NRXN3: variants seen among roughly 807,000 people sequenced by gnomAD.
NRXN3 encodes the protein neurexin 3, also known as neurexin III.
In NRXN3, 32 loss-of-function variants were observed where a neutral mutation model predicts 137.6. That is an observed-to-expected ratio of 0.23 (90% CI 0.18 to 0.31). NRXN3 has a LOEUF of 0.31. NRXN3 is among the 10% of genes least tolerant of loss of function. NRXN3 has a pLI of 1.00. For missense variants in NRXN3, 1,574 were observed against 2,062.5 expected (o/e 0.76, Z 4.59); for synonymous variants, 798 against 784.5 (o/e 1.02, Z -0.29).
chr14:78,670,912 G>A (rs2097927770), intron 6 of NRXN3, among the ~76,000 whole-genome samples: 1 of 152,160 alleles, frequency 6.6e-6, no homozygotes, highest in Non-Finnish European at 1.5e-5. Context: ...TGAGTGGGAA[G>A]TACCTGTGTT....
chr14:78,349,810 A>G (rs549034410), intron 4 of NRXN3, among the ~76,000 whole-genome samples: 134 of 152,330 alleles, frequency 8.8e-4, no homozygotes, highest in Non-Finnish European at 1.5e-3. Flanking sequence ...TCAGGGTGCT[A>G]CTGTGTGCTC....
At chr14:79,222,384 C>T (rs2069922883) in intron 15 of NRXN3, among the ~76,000 whole-genome samples, 1 of 152,046 alleles carries the variant, frequency 6.6e-6, no homozygotes, top group African/African-American at 2.4e-5. Flanking sequence ...GAATAATGTT[C>T]CCTTGTCTGG....
chr14:78,369,531 G>T (rs2086495922), intron 4 of NRXN3, among the ~76,000 whole-genome samples: 1 of 152,098 alleles, frequency 6.6e-6, no homozygotes, highest in Non-Finnish European at 1.5e-5. Context: ...TATTCTGTGT[G>T]TTCCTTCAGT....
At chr14:78,434,861 G>A (rs1421697580) in intron 4 of NRXN3, among the ~76,000 whole-genome samples, 2 of 152,184 alleles carry the variant, frequency 1.3e-5, no homozygotes, top group African/African-American at 4.8e-5. Flanking sequence ...CCAAGAGGAG[G>A]CCAGGTGGTG....
intron 20 of NRXN3, among the ~76,000 whole-genome samples, chr14:79,816,382 G>T (rs1468976589): frequency 2.6e-5 from 4 of 152,136 alleles, no homozygotes; most frequent in African/African-American, 9.7e-5. Context: ...GGCTTTAACT[G>T]TCTTAGATAA....
intron 5 of NRXN3, among the ~76,000 whole-genome samples, chr14:78,647,987 G>T (rs1346202095): frequency 6.6e-6 from 1 of 152,130 alleles, no homozygotes; most frequent in African/African-American, 2.4e-5. Flanking sequence ...ATTGAGTAAA[G>T]TTTACCTGGG....
Position 78,709,501 on chromosome 14 carries a change from T to C in NRXN3, c.1506T>C (p.Asn502=). ...GGAAGGATGCTCGGAGCCAGAAGAA[T>C]ACAAAAGTAGACTTCTTTGCCGTGG... ...QERKDARSQK[N]TKVDFFAVEL... The change falls in exon 7 of 21, where the codon AAT becomes AAC. Residue 502 remains asparagine, a synonymous_variant. Coordinates refer to ENST00000335750, the MANE Select transcript of NRXN3 (RefSeq NM_001330195.2). 6.2e-7 allele frequency: 1 copy of C among 1,614,080 alleles called. No individual in the cohort carries two copies. The highest frequency in any genetic ancestry group is 1.1e-5 in the South Asian group (1 of 91,080).
intron 14 of NRXN3, among the ~76,000 whole-genome samples, chr14:78,985,627 T>C (rs1160626242): frequency 6.6e-6 from 1 of 152,198 alleles, no homozygotes; most frequent in Admixed American, 6.5e-5. Context: ...CAAAGAATTA[T>C]TGTGTTTTCC....
intron 1 of NRXN3, among the ~76,000 whole-genome samples, chr14:78,215,582 G>T (rs191055596): frequency 6.6e-6 from 1 of 152,262 alleles, no homozygotes; most frequent in East Asian, 1.9e-4. Flanking sequence ...CATAGAGAAG[G>T]CAACAAAGGT....
intron 8 of NRXN3, among the ~76,000 whole-genome samples, chr14:78,728,623 C>T (rs1198763153): frequency 1.3e-5 from 2 of 152,102 alleles, no homozygotes; most frequent in African/African-American, 4.8e-5. Context: ...TGGGGAGGTG[C>T]ACAGTGGCTC....
At position 78,686,165 on chromosome 14, in the gene NRXN3, C is replaced by T. The variant is rs376417161; in HGVS notation, c.1222-23052C>T. 1.6e-3 allele frequency among the ~76,000 whole-genome samples: 238 copies of T among 152,288 alleles called. 11 individuals are homozygous for T. In the South Asian group the frequency reaches 0.048, roughly 31 times the overall value. On this transcript the variant is annotated intron_variant, in intron 6 of 20. Coordinates refer to ENST00000335750, the MANE Select transcript of NRXN3 (RefSeq NM_001330195.2). The stretch of plus-strand genomic sequence containing the variant: ...ATCTACTTTGGAACAGTTCCTGGCA[C>T]TTAGTATTTTAATTCAATACATGTT...
chr14:79,289,235 A>G (rs2153456800), intron 15 of NRXN3, among the ~76,000 whole-genome samples: 1 of 152,234 alleles, frequency 6.6e-6, no homozygotes, highest in Non-Finnish European at 1.5e-5. Flanking sequence ...CTTGTTCCCC[A>G]TCTCTCTTTC....
intron 10 of NRXN3, among the ~76,000 whole-genome samples, chr14:78,951,615 T>A (rs2099387287): frequency 6.6e-6 from 1 of 152,148 alleles, no homozygotes; most frequent in African/African-American, 2.4e-5. Context: ...TTATCTCATG[T>A]TCCTTAATTT....
At chr14:78,222,719 A>G (rs373494111) in intron 1 of NRXN3, among the ~76,000 whole-genome samples, 3 of 152,276 alleles carry the variant, frequency 2.0e-5, no homozygotes, top group East Asian at 3.9e-4. Flanking sequence ...GAGAGGCTCT[A>G]CAAGAAAGGT....
At chr14:78,983,867 A>G (rs1031631198) in intron 14 of NRXN3, among the ~76,000 whole-genome samples, 11 of 146,022 alleles carry the variant, frequency 7.5e-5, no homozygotes, top group African/African-American at 1.0e-4. Flanking sequence ...AAAAAAAAAA[A>G]AAAAAGAAAA....
At chr14:79,569,448 T>C (rs2097577245) in intron 16 of NRXN3, among the ~76,000 whole-genome samples, 1 of 152,126 alleles carries the variant, frequency 6.6e-6, no homozygotes, top group South Asian at 2.1e-4. Flanking sequence ...GGGTAGATGA[T>C]TCTGATCTTG....
At chr14:78,353,419 T>C (rs1676054609) in intron 4 of NRXN3, among the ~76,000 whole-genome samples, 1 of 152,180 alleles carries the variant, frequency 6.6e-6, no homozygotes, top group African/African-American at 2.4e-5. Context: ...TTCTGGTTCA[T>C]AGCATTTTCT....
At chr14:79,800,323 A>G (rs2140475461) in intron 19 of NRXN3, among the ~76,000 whole-genome samples, 1 of 152,340 alleles carries the variant, frequency 6.6e-6, no homozygotes, top group East Asian at 1.9e-4. Context: ...ACAATTCACT[A>G]CAAGTGTTTA....
intron 2 of NRXN3, among the ~76,000 whole-genome samples, chr14:78,274,929 G>A (rs2073361195): frequency 1.3e-5 from 2 of 152,166 alleles, no homozygotes; most frequent in South Asian, 2.1e-4. Flanking sequence ...GTGTGTGAAT[G>A]GTAGAGCTAG....
Sources: gnomAD v4.1 joint callset for allele counts (sites outside exome capture counted in the v4.1 genomes callset) on GRCh38, gnomAD v4.1.1 for gene constraint, MANE v1.5 for transcripts, NCBI Gene and HGNC (gene_info 2026-07-23, HGNC 2026-07-21) for gene names.